RAI14: variants seen among roughly 807,000 people sequenced by gnomAD.
RAI14 encodes retinoic acid induced 14, also known as ankycorbin.
Under a neutral mutation model 115.4 loss-of-function variants are expected in RAI14, and 45 were observed. The observed-to-expected ratio is 0.39, with a 90% confidence interval of 0.31 to 0.50. The LOEUF is 0.50. Among genes scored for constraint, RAI14 ranks in the 20% least tolerant of loss-of-function variants. The pLI, the probability that RAI14 is intolerant of heterozygous loss-of-function variation, is 0.85. For missense variants in RAI14, 939 were observed against 1,131.2 expected, an observed-to-expected ratio of 0.83 and a Z score of 2.44; for synonymous variants, 371 against 415.4, an observed-to-expected ratio of 0.89 and a Z score of 1.30.
At chr5:34,687,710 G>A in intron 2 of RAI14, 1 of 1,551,494 alleles carries the variant, frequency 6.4e-7, no homozygotes, top group East Asian at 2.4e-5. Flanking sequence ...AAGGGAATTA[G>A]ATGGAAGCCA....
At chr5:34,752,707 G>A in intron 2 of RAI14, among the ~76,000 whole-genome samples, 1 of 44,708 alleles carries the variant, frequency 2.2e-5, no homozygotes, top group South Asian at 7.4e-4. Context: ...ACATATATGT[G>A]TGTGTGTGTG....
chr5:34,716,306 C>A (rs1175220775), intron 2 of RAI14: 1 of 224,484 alleles, frequency 4.5e-6, no homozygotes, highest in Admixed American at 6.2e-5. Context: ...TCCCCTGTAC[C>A]TCCTGGGTCA....
chr5:34,682,602 G>A (rs977799339), intron 1 of RAI14, among the ~76,000 whole-genome samples: 11 of 152,110 alleles, frequency 7.2e-5, no homozygotes, highest in African/African-American at 1.9e-4. Context: ...ATTTATCAAC[G>A]TAACATCCAT....
intron 2 of RAI14, among the ~76,000 whole-genome samples, chr5:34,701,055 T>C (rs1739997655): frequency 1.3e-5 from 2 of 152,216 alleles, no homozygotes; most frequent in African/African-American, 4.8e-5. Flanking sequence ...GGGGCAGCTA[T>C]GTCAACCTCA....
rs115920960 is a variant in RAI14 at position 34,760,759 on chromosome 5, A to G, written c.167+3161A>G. On this transcript the variant is annotated intron_variant, in intron 3 of 17. Coordinates refer to ENST00000265109, the MANE Select transcript of RAI14 (RefSeq NM_015577.3). The stretch of plus-strand genomic sequence containing the variant: ...AAATGCGTATAACATAAAATTTACC[A>G]TTTTAACCATTTTAAAGTATACAAT... Among the ~76,000 whole-genome samples, 200 of 152,332 alleles carry G rather than the reference A, an allele frequency of 1.3e-3. 1 individual carries two copies. The highest frequency in any genetic ancestry group is 4.3e-3 in the African/African-American group (180 of 41,566).
intron 3 of RAI14, among the ~76,000 whole-genome samples, chr5:34,784,389 A>T (rs1352508051): frequency 6.6e-6 from 1 of 152,228 alleles, no homozygotes; most frequent in Non-Finnish European, 1.5e-5. Flanking sequence ...TAATTTCAAA[A>T]ATTGAAACAA....
intron 4 of RAI14, among the ~76,000 whole-genome samples, chr5:34,801,429 A>G (rs1023034406): frequency 6.6e-6 from 1 of 152,198 alleles, no homozygotes; most frequent in Non-Finnish European, 1.5e-5. Context: ...GGTCAGTGTT[A>G]CAGACTGAAG....
intron 2 of RAI14, among the ~76,000 whole-genome samples, chr5:34,713,490 A>G (rs186773981): frequency 8.6e-5 from 13 of 151,272 alleles, no homozygotes; most frequent in East Asian, 3.9e-4. Flanking sequence ...GAGTTATTAG[A>G]AAAAAAAACA....
At chr5:34,725,386 G>A (rs1045879658) in intron 2 of RAI14, among the ~76,000 whole-genome samples, 1 of 152,066 alleles carries the variant, frequency 6.6e-6, no homozygotes. Context: ...TTTGAAGGAA[G>A]AAAGACATTG....
chr5:34,667,519 G>A (rs1743311740), intron 1 of RAI14: 1 of 152,236 alleles, frequency 6.6e-6, no homozygotes, highest in African/African-American at 2.4e-5. Context: ...TTACAGGTAT[G>A]AGCCACCATG....
At chr5:34,776,079 T>C (rs1326103029) in intron 3 of RAI14, among the ~76,000 whole-genome samples, 1 of 152,206 alleles carries the variant, frequency 6.6e-6, no homozygotes, top group African/African-American at 2.4e-5. Context: ...AATGGAGTAC[T>C]GTTCAGCCAT....
intron 2 of RAI14, chr5:34,716,721 G>A (rs6878298): frequency 0.24 from 36,529 of 152,038 alleles, 4,532 homozygotes; most frequent in African/African-American, 0.31. Flanking sequence ...TCAAGTTTTG[G>A]GTTAATTTCT....
In RAI14 at chr5:34,831,052, C is replaced by T. The variant is rs1675473934; in HGVS notation, c.*287C>T. On this transcript the variant is annotated 3_prime_UTR_variant, in exon 18 of 18. Coordinates refer to ENST00000265109, the MANE Select transcript of RAI14 (RefSeq NM_015577.3). ...CTGGTCCTGATGCTGGCAGGGGGGCCCCCTCCTCCATCCCTGACTGGCTGA... is the reference window on the plus strand; with the variant it reads ...CTGGTCCTGATGCTGGCAGGGGGGCTCCCTCCTCCATCCCTGACTGGCTGA... The T allele has an allele frequency of 5.3e-6, 2 of 376,118 alleles. No individual in the cohort carries two copies. Among genetic ancestry groups the T allele is most frequent in the South Asian group, 3.6e-5 (1 of 27,428 alleles). 23.3% of individuals were successfully genotyped at this position (376,118 alleles called of 1,614,324 possible). A position where few individuals can be genotyped will look rare whatever the true frequency, so the allele number is the denominator to read the frequency against.
Position 34,665,144 on chromosome 5 carries a change from C to T in RAI14, c.-49+8669C>T, listed in dbSNP as rs1360131261. Among the ~76,000 whole-genome samples, 77 of 24,954 alleles carry T rather than the reference C, an allele frequency of 3.1e-3. 14 individuals carry two copies. Among genetic ancestry groups the T allele is most frequent in the Middle Eastern group, 0.025 (1 of 40 alleles). The allele number at this position is 24,954 out of a possible 152,430, so 16.4% of individuals were successfully genotyped here. ...ATATATGTATGTGTATATATATACA[C>T]ATATATATGTGTGTGTATATATATA... On this transcript the variant is annotated intron_variant, in intron 1 of 17. Transcript: ENST00000265109.
rs540376502 is a variant in RAI14, at chr5:34,702,876, C to G, written c.36+15921C>G. ...CATGCGCCACCATGCCTGGCTAATT[C>G]TATATTTTCAGTAGAGACGGGGTTT... On this transcript the variant is annotated intron_variant, in intron 2 of 17. Coordinates refer to ENST00000265109, the MANE Select transcript of RAI14 (RefSeq NM_015577.3). Among the ~76,000 whole-genome samples, 5 of 152,226 alleles carry G rather than the reference C, an allele frequency of 3.3e-5. No homozygotes were observed. In the East Asian group the frequency reaches 9.7e-4, roughly 29 times the overall value.
intron 1 of RAI14, among the ~76,000 whole-genome samples, chr5:34,670,859 T>C (rs1743564327): frequency 6.6e-6 from 1 of 152,230 alleles, no homozygotes; most frequent in South Asian, 2.1e-4. Context: ...GCTTCAACCG[T>C]AATCTAGACA....
At chr5:34,775,711 C>T (rs1032339391) in intron 3 of RAI14, among the ~76,000 whole-genome samples, 1 of 152,204 alleles carries the variant, frequency 6.6e-6, no homozygotes, top group Non-Finnish European at 1.5e-5. Flanking sequence ...GAGCTAACTA[C>T]TATGAGCTAT....
chr5:34,671,387 A>G (rs1042982630), intron 1 of RAI14, among the ~76,000 whole-genome samples: 1 of 152,130 alleles, frequency 6.6e-6, no homozygotes, highest in African/African-American at 2.4e-5. Flanking sequence ...TTAAATTACT[A>G]CTTTCATTGT....
intron 2 of RAI14, among the ~76,000 whole-genome samples, chr5:34,731,230 T>C (rs1021988823): frequency 3.3e-5 from 5 of 152,192 alleles, no homozygotes; most frequent in Non-Finnish European, 7.3e-5. Flanking sequence ...TATGTGGTTA[T>C]GTTTTGTTTC....
Sources: allele counts gnomAD v4.1 joint callset (sites outside exome capture counted in the v4.1 genomes callset), GRCh38; gene constraint gnomAD v4.1.1; transcripts MANE v1.5; gene names NCBI Gene and HGNC (gene_info 2026-07-23, HGNC 2026-07-21).